NHSL1: variants seen among roughly 807,000 people sequenced by gnomAD.
NHSL1 encodes NHS like 1, also known as NHS-like protein 1.
A neutral mutation model predicts 95.0 loss-of-function variants in NHSL1; 48 were observed. The ratio of observed to expected loss-of-function variants is 0.51; its 90% CI spans 0.40 to 0.64. NHSL1 has a LOEUF of 0.64. Ranked by LOEUF, NHSL1 falls within the 30% of genes least tolerant of loss-of-function variation. The probability of loss-of-function intolerance (pLI) is 0.00; values close to 1 mark genes in which losing one functional copy is unlikely to be tolerated. For synonymous variants in NHSL1, 783 were observed against 833.9 expected, an observed-to-expected ratio of 0.94 and a Z score of 1.05; for missense variants, 1,971 against 2,077.7, an observed-to-expected ratio of 0.95 and a Z score of 1.00.
intron 2 of NHSL1, among the ~76,000 whole-genome samples, chr6:138,478,102 C>T (rs1435353171): frequency 7.4e-6 from 1 of 136,006 alleles, no homozygotes; most frequent in African/African-American, 2.8e-5. Flanking sequence ...CAACCTCTGC[C>T]TCCCAGGTTC....
intron 1 of NHSL1, among the ~76,000 whole-genome samples, chr6:138,621,099 C>T (rs1459844631): frequency 6.6e-6 from 1 of 152,214 alleles, no homozygotes; most frequent in Non-Finnish European, 1.5e-5. Flanking sequence ...TCCTGCCCCC[C>T]TGCCAGCATC....
At chr6:138,425,893 A>G (rs924679163) in intron 7 of NHSL1, among the ~76,000 whole-genome samples, 3 of 142,292 alleles carry the variant, frequency 2.1e-5, no homozygotes, top group Non-Finnish European at 4.6e-5. Context: ...TGATCGACTC[A>G]GCAAACCTTG....
Position 138,433,150 on chromosome 6 carries a change from C to A in NHSL1, c.1195G>T (p.Ala399Ser). The A allele has an allele frequency of 1.9e-6, 3 of 1,551,258 alleles. No homozygotes were observed. In the Admixed American group the frequency reaches 5.9e-5, roughly 30 times the overall value. The stretch of plus-strand genomic sequence containing the variant: ...GTTGCATGAGGAGAAACCACACACG[C>A]TGGGCTCATTATATTTTCACTCTCG... ...HFESENIMSP[A>S]CVVSPHATYS... The change falls in exon 6 of 8, where the codon GCG becomes TCG. Residue 399 changes from alanine (A) to serine (S), a missense_variant. By Grantham distance (99) the Ala-to-Ser change is moderately conservative. Coordinates refer to ENST00000343505, the MANE Select transcript of NHSL1 (RefSeq NM_001144060.2).
In NHSL1 at chr6:138,424,258, C is replaced by T; in HGVS notation, c.4644G>A (p.Glu1548=). Residue 1548 remains glutamate (E), a synonymous_variant, in exon 8 of 8, where the codon GAG becomes GAA. Coordinates refer to ENST00000343505, the MANE Select transcript of NHSL1 (RefSeq NM_001144060.2). This position sits in a 1 kb window ranked among gnomAD's most constrained non-coding sequence, Gnocchi z 5.9. Reference sequence around the variant, plus strand: ...TCGCCAGTCCGTCCAGGGAACATCCCTCCGCAGCGCCCAGAGCCCCGCGGG... The same window carrying T: ...TCGCCAGTCCGTCCAGGGAACATCCTTCCGCAGCGCCCAGAGCCCCGCGGG... ...SIARGALGAA[E]GCSLDGLARE... The T allele has an allele frequency of 6.7e-7, 1 of 1,501,994 alleles. No homozygotes were observed. The highest frequency in any genetic ancestry group is 8.9e-7 in the Non-Finnish European group (1 of 1,123,636). 93.0% of individuals were successfully genotyped at this position (1,501,994 alleles called of 1,614,324 possible).
chr6:138,596,976 T>C (rs1198505806), intron 1 of NHSL1, among the ~76,000 whole-genome samples: 1 of 152,034 alleles, frequency 6.6e-6, no homozygotes, highest in Non-Finnish European at 1.5e-5. Context: ...CTGGCCCACG[T>C]GGCAAAACCC....
chr6:138,690,942 C>T (rs1785658311), intron 1 of NHSL1, among the ~76,000 whole-genome samples: 1 of 152,174 alleles, frequency 6.6e-6, no homozygotes, highest in African/African-American at 2.4e-5. Context: ...AGTTCTTGAC[C>T]TTCAGGGAGT....
At chr6:138,531,312 G>A (rs536678460) in intron 1 of NHSL1, among the ~76,000 whole-genome samples, 1 of 152,224 alleles carries the variant, frequency 6.6e-6, no homozygotes, top group Admixed American at 6.5e-5. Flanking sequence ...ACTGCCTTTG[G>A]TTGACAATGT....
chr6:138,505,612 G>A (rs558944901), intron 1 of NHSL1, among the ~76,000 whole-genome samples: 4 of 140,680 alleles, frequency 2.8e-5, no homozygotes, highest in South Asian at 2.2e-4. Flanking sequence ...CTGAGATTGC[G>A]CCACTGCACC....
chr6:138,588,336 G>T (rs1186504075), intron 1 of NHSL1, among the ~76,000 whole-genome samples: 1 of 152,150 alleles, frequency 6.6e-6, no homozygotes, highest in African/African-American at 2.4e-5. Flanking sequence ...GGTGGTGTGT[G>T]CCTGTAATCC....
intron 3 of NHSL1, among the ~76,000 whole-genome samples, chr6:138,457,494 G>A (rs1275059933): frequency 1.3e-5 from 2 of 152,082 alleles, no homozygotes; most frequent in African/African-American, 4.8e-5. Context: ...TAATTTATAT[G>A]TCCTTAACCT....
intron 1 of NHSL1, among the ~76,000 whole-genome samples, chr6:138,593,246 G>C (rs74756657): frequency 0.032 from 4,860 of 152,324 alleles, 233 homozygotes; most frequent in African/African-American, 0.11. Context: ...CAGGAGCACT[G>C]CTAGGACTAG....
chr6:138,647,839 C>T (rs1406072739), intron 1 of NHSL1, among the ~76,000 whole-genome samples: 1 of 152,148 alleles, frequency 6.6e-6, no homozygotes, highest in African/African-American at 2.4e-5. Flanking sequence ...CTCAAGTGAT[C>T]CACCTGCCTC....
At chr6:138,532,430 A>G (rs1304647422) in intron 1 of NHSL1, among the ~76,000 whole-genome samples, 2 of 152,184 alleles carry the variant, frequency 1.3e-5, no homozygotes, top group Non-Finnish European at 2.9e-5. Context: ...TAATTAGCCT[A>G]GGATCCGTGA....
At chr6:138,483,318 C>T (rs182546405) in intron 2 of NHSL1, among the ~76,000 whole-genome samples, 373 of 152,256 alleles carry the variant, frequency 2.4e-3, no homozygotes, top group Non-Finnish European at 4.5e-3. Context: ...CACAAATGAT[C>T]CACACTCGCC....
intron 1 of NHSL1, among the ~76,000 whole-genome samples, chr6:138,609,981 G>C (rs1784487048): frequency 6.6e-6 from 1 of 152,054 alleles, no homozygotes; most frequent in Non-Finnish European, 1.5e-5. Context: ...GTGTTCAGTT[G>C]CATGATGCAT....
chr6:138,639,466 G>A (rs572170470), intron 1 of NHSL1, among the ~76,000 whole-genome samples: 41 of 151,794 alleles, frequency 2.7e-4, no homozygotes, highest in African/African-American at 9.2e-4. Flanking sequence ...GTGAAACCCC[G>A]TCTTCTACTA....
At chr6:138,659,374 A>T (rs964232861) in intron 1 of NHSL1, among the ~76,000 whole-genome samples, 3 of 151,976 alleles carry the variant, frequency 2.0e-5, no homozygotes, top group Non-Finnish European at 4.4e-5. Context: ...TAATGTTTGT[A>T]AAAATCACCC....
At chr6:138,486,121 C>T (rs1220191735) in intron 2 of NHSL1, among the ~76,000 whole-genome samples, 1 of 152,120 alleles carries the variant, frequency 6.6e-6, no homozygotes, top group Non-Finnish European at 1.5e-5. Context: ...AGAGAACATC[C>T]TCCCATTCTC....
chr6:138,490,037 CA>C (rs1225630188), intron 2 of NHSL1, among the ~76,000 whole-genome samples: 1 of 150,760 alleles, frequency 6.6e-6, no homozygotes, highest in African/African-American at 2.5e-5. Context: ...CAAGCAGGAA[CA>C]GGAAGCTTCT....
Sources: allele counts gnomAD v4.1 joint callset (sites outside exome capture counted in the v4.1 genomes callset), GRCh38; gene constraint gnomAD v4.1.1; non-coding constraint Gnocchi (gnomAD v3.1); transcripts MANE v1.5; gene names NCBI Gene and HGNC (gene_info 2026-07-23, HGNC 2026-07-21).